KIRREL3: variants seen among roughly 807,000 people sequenced by gnomAD.
The protein encoded by KIRREL3 is kirre like nephrin family adhesion molecule 3.
In KIRREL3, 36 loss-of-function variants were observed where a neutral mutation model predicts 89.7. That is an observed-to-expected ratio of 0.40 (90% CI 0.31 to 0.53). KIRREL3 has a LOEUF of 0.53. Ranked by LOEUF, KIRREL3 falls within the 20% of genes least tolerant of loss-of-function variation. KIRREL3 has a pLI of 0.49. For synonymous variants in KIRREL3, 445 were observed against 441.4 expected (o/e 1.01, Z -0.10); for missense variants, 864 against 1,056.6 (o/e 0.82, Z 2.53).
Position 126,850,410 on chromosome 11 carries a change from G to A in KIRREL3, c.55+150045C>T, listed in dbSNP as rs565663021. 2.6e-5 allele frequency among the ~76,000 whole-genome samples: 4 copies of A among 152,166 alleles called. No individual in the cohort carries two copies. In the South Asian group the frequency reaches 8.3e-4, roughly 32 times the overall value. On this transcript the variant is annotated intron_variant, in intron 1 of 16. Coordinates refer to ENST00000525144, the MANE Select transcript of KIRREL3 (RefSeq NM_032531.4). ...CCCAGTGCTTGCGAGTGAGCTGCTG[G>A]GTGGGCTCCCTTTGTTGGCAGCTCT...
intron 1 of KIRREL3, among the ~76,000 whole-genome samples, chr11:126,910,443 G>A (rs1484229652): frequency 6.6e-6 from 1 of 152,136 alleles, no homozygotes; most frequent in East Asian, 1.9e-4. Flanking sequence ...TGAGCCAAGA[G>A]GAGCATAACA....
rs1940272912 is a variant in KIRREL3, at chr11:126,563,387, A to G, written c.56-475T>C. Among the ~76,000 whole-genome samples, 1 of 152,160 alleles carries G rather than the reference A, an allele frequency of 6.6e-6. No homozygotes were observed. The highest frequency in any genetic ancestry group is 6.5e-5 in the Admixed American group (1 of 15,278). On this transcript the variant is annotated intron_variant, in intron 1 of 16. Coordinates refer to ENST00000525144, the MANE Select transcript of KIRREL3 (RefSeq NM_032531.4). This position sits in a 1 kb window ranked among gnomAD's most constrained non-coding sequence, Gnocchi z 6.8. The stretch of plus-strand genomic sequence containing the variant: ...GTCTAGGATGGAACAGTGCAACCAG[A>G]CATGGTGGGTGACTCAGGAGGATGA...
chr11:126,461,428 G>C (rs1430980074), intron 6 of KIRREL3, among the ~76,000 whole-genome samples: 1 of 152,184 alleles, frequency 6.6e-6, no homozygotes, highest in African/African-American at 2.4e-5. Context: ...AGTCACCCTA[G>C]CTCTAGGCTT....
In KIRREL3 at chr11:126,830,671, C is replaced by T. The variant is rs1946073; in HGVS notation, c.55+169784G>A. Among the ~76,000 whole-genome samples, 131,260 of 152,184 alleles carry T rather than the reference C, an allele frequency of 0.86. 56,942 individuals are homozygous for T. Among genetic ancestry groups the T allele is most frequent in the East Asian group, 1 (5,160 of 5,166 alleles). On this transcript the variant is annotated intron_variant, in intron 1 of 16. Coordinates refer to ENST00000525144, the MANE Select transcript of KIRREL3 (RefSeq NM_032531.4). This position sits in a 1 kb window ranked among gnomAD's most constrained non-coding sequence, Gnocchi z 4.9. ...CACTTAGGAAGGTGTTCGTGCCAGA[C>T]GCATTCATTGTCTAACTGCCTGGAT...
intron 1 of KIRREL3, among the ~76,000 whole-genome samples, chr11:126,581,652 A>AT (rs34231665): frequency 1.2e-3 from 181 of 151,382 alleles, no homozygotes; most frequent in African/African-American, 4.4e-3. Flanking sequence ...CATATGTATC[A>AT]TTTTTTTTTT....
At chr11:126,733,539 T>TTCA (rs1948703468) in intron 1 of KIRREL3, among the ~76,000 whole-genome samples, 1 of 24,346 alleles carries the variant, frequency 4.1e-5, no homozygotes, top group African/African-American at 1.0e-4. Context: ...TCAGCCATTA[T>TTCA]GCCATTATAC....
At chr11:126,884,081 G>A (rs1415420923) in intron 1 of KIRREL3, among the ~76,000 whole-genome samples, 1 of 152,148 alleles carries the variant, frequency 6.6e-6, no homozygotes, top group Non-Finnish European at 1.5e-5. Context: ...GGGCCTACAT[G>A]GATAAGTAAA....
chr11:126,835,090 G>A (rs1943734194), intron 1 of KIRREL3, among the ~76,000 whole-genome samples: 1 of 152,206 alleles, frequency 6.6e-6, no homozygotes, highest in South Asian at 2.1e-4. Flanking sequence ...TGAAAGGCCT[G>A]TGATTAATCC....
Position 126,521,997 on chromosome 11 carries a change from A to G in KIRREL3, c.284-533T>C, listed in dbSNP as rs979663272. Among the ~76,000 whole-genome samples the G allele has an allele frequency of 2.0e-5, 3 of 151,878 alleles. No individual in the cohort carries two copies. The highest frequency in any genetic ancestry group is 2.0e-4 in the Admixed American group (3 of 15,230). On this transcript the variant is annotated intron_variant, in intron 3 of 16. Transcript: ENST00000525144. The surrounding 1 kb of genome is among the most constrained non-coding windows in gnomAD (Gnocchi z 4.1). ...GGACTTAGGCGGTTCTCCCTCCTCAACCTCCCAAAGTTCTGGGATTATAGG... is the reference window on the plus strand; with the variant it reads ...GGACTTAGGCGGTTCTCCCTCCTCAGCCTCCCAAAGTTCTGGGATTATAGG...
chr11:126,495,807 T>C lies in KIRREL3; in HGVS notation c.434-22341A>G, dbSNP rs960206568. Among the ~76,000 whole-genome samples, 2 of 152,320 alleles carry C rather than the reference T, an allele frequency of 1.3e-5. No individual in the cohort carries two copies. The highest frequency in any genetic ancestry group is 3.4e-3 in the Middle Eastern group (1 of 294). On this transcript the variant is annotated intron_variant, in intron 4 of 16. Transcript: ENST00000525144. This position sits in a 1 kb window ranked among gnomAD's most constrained non-coding sequence, Gnocchi z 6.5. ...TGCAGCAGCCTGAGGATCAGGACAC[T>C]GGGACTCTAGTCCTGACACTCAGCA...
In KIRREL3 at chr11:126,450,553, ATG is replaced by A. The variant is rs1956025152; in HGVS notation, c.849-1398_849-1397del. Among the ~76,000 whole-genome samples the A allele has an allele frequency of 4.0e-5, 5 of 124,850 alleles. No homozygotes were observed. The South Asian group carries it at 1.1e-3, about 27-fold the overall frequency. 81.9% of individuals were successfully genotyped at this position (124,850 alleles called of 152,430 possible). A position where few individuals can be genotyped will look rare whatever the true frequency, so the allele number is the denominator to read the frequency against. ...TATGTGTGCATGTGTGTCAATGTGC[ATG>A]TGTGCATGTGCGTGTGCATGTGTGC... On this transcript the variant is annotated intron_variant, in intron 7 of 16. Coordinates refer to ENST00000525144, the MANE Select transcript of KIRREL3 (RefSeq NM_032531.4).
chr11:126,446,537 G>C (rs920675958), intron 9 of KIRREL3, among the ~76,000 whole-genome samples: 1 of 152,190 alleles, frequency 6.6e-6, no homozygotes, highest in Non-Finnish European at 1.5e-5. Flanking sequence ...GTAAGGTTTA[G>C]GACAGGGCAA....
At chr11:126,435,600 G>A (rs11603123) in intron 12 of KIRREL3, among the ~76,000 whole-genome samples, 3,818 of 152,250 alleles carry the variant, frequency 0.025, 64 homozygotes, top group Admixed American at 0.052. Context: ...GGGAAGACAC[G>A]GAGGGTAGGC....
intron 4 of KIRREL3, among the ~76,000 whole-genome samples, chr11:126,481,401 C>T (rs78733039): frequency 0.054 from 8,243 of 152,250 alleles, 247 homozygotes; most frequent in African/African-American, 0.079. Context: ...TTTAAGCTGA[C>T]GAATTCCAAA....
intron 7 of KIRREL3, among the ~76,000 whole-genome samples, chr11:126,453,738 G>A (rs1956254788): frequency 1.3e-5 from 2 of 152,148 alleles, no homozygotes; most frequent in African/African-American, 4.8e-5. Context: ...CCTGGGGGCC[G>A]GAGGGGCTCC....
chr11:126,757,635 T>A (rs1949547113), intron 1 of KIRREL3, among the ~76,000 whole-genome samples: 1 of 152,164 alleles, frequency 6.6e-6, no homozygotes, highest in Non-Finnish European at 1.5e-5. Context: ...CTGGTGACAT[T>A]TTTCATTATA....
chr11:126,923,129 C>CTCCTCCTTCTTCTTCTTCT lies in KIRREL3; in HGVS notation c.55+77325_55+77326insAGAAGAAGAAGAAGGAGGA, dbSNP rs1246765425. Among the ~76,000 whole-genome samples the CTCCTCCTTCTTCTTCTTCT allele has an allele frequency of 1.2e-3, 31 of 25,742 alleles. 5 individuals are homozygous for CTCCTCCTTCTTCTTCTTCT. Among genetic ancestry groups the CTCCTCCTTCTTCTTCTTCT allele is most frequent in the South Asian group, 3.1e-3 (2 of 642 alleles). 16.9% of individuals were successfully genotyped at this position (25,742 alleles called of 152,430 possible). ...CCTTCTCCTTCTCCTTCTCCTTCTT[C>CTCCTCCTTCTTCTTCTTCT]TCTTCTTCTTCTTCTTCTTCTTCTT... On this transcript the variant is annotated intron_variant, in intron 1 of 16. Transcript: ENST00000525144.
chr11:126,586,739 C>T (rs921542326), intron 1 of KIRREL3, among the ~76,000 whole-genome samples: 13 of 152,002 alleles, frequency 8.6e-5, no homozygotes, highest in South Asian at 4.2e-4. Context: ...TTTGAAGTAG[C>T]GGATACAAGG....
At chr11:126,618,150 T>C (rs1379834905) in intron 1 of KIRREL3, among the ~76,000 whole-genome samples, 2 of 152,234 alleles carry the variant, frequency 1.3e-5, no homozygotes, top group African/African-American at 2.4e-5. Context: ...GCTCTGGCCA[T>C]GTGAGACATC....
Sources: gnomAD v4.1 joint callset for allele counts (sites outside exome capture counted in the v4.1 genomes callset) on GRCh38, gnomAD v4.1.1 for gene constraint, Gnocchi (gnomAD v3.1) non-coding constraint, MANE v1.5 for transcripts, NCBI Gene and HGNC (gene_info 2026-07-23, HGNC 2026-07-21) for gene names.